The following COLEC10 variants were observed in gnomAD, a reference collection of about 807,000 sequenced individuals.
COLEC10 encodes the protein collectin subfamily member 10, also known as collectin-10.
Under a neutral mutation model 28.4 loss-of-function variants are expected in COLEC10, and 22 were observed. The ratio of observed to expected loss-of-function variants is 0.78; its 90% CI spans 0.55 to 1.11. The LOEUF is 1.11. Among genes scored for constraint, COLEC10 ranks in the 50% least tolerant of loss-of-function variants. The probability of loss-of-function intolerance (pLI) is 0.00; values close to 1 mark genes in which losing one functional copy is unlikely to be tolerated. For synonymous variants in COLEC10, 125 were observed against 116.1 expected (o/e 1.08, Z -0.49); for missense variants, 361 against 344.1 (o/e 1.05, Z -0.39).
At chr8:118,972,909 G>A in the COLEC10 span, among the ~76,000 whole-genome samples, 1 of 151,936 alleles carries the variant, frequency 6.6e-6, no homozygotes, top group Non-Finnish European at 1.5e-5. Flanking sequence ...AGAAGCTAAC[G>A]TATTTTTCTT....
At chr8:119,091,573 A>AAGAGAGAG (rs765113777) in intron 3 of COLEC10, among the ~76,000 whole-genome samples, 6 of 140,552 alleles carry the variant, frequency 4.3e-5, no homozygotes, top group African/African-American at 1.6e-4. Context: ...GAAAGAAAGA[A>AAGAGAGAG]AGAGAGAGAG....
intron 2 of COLEC10, among the ~76,000 whole-genome samples, chr8:119,059,566 G>A (rs1053076302): frequency 1.3e-5 from 2 of 152,056 alleles, no homozygotes; most frequent in African/African-American, 4.8e-5. Context: ...TCAGTACTTT[G>A]TTTGCATATC....
At chr8:119,004,019 A>C (rs1388872605) in intron 1 of COLEC10, among the ~76,000 whole-genome samples, 1 of 152,102 alleles carries the variant, frequency 6.6e-6, no homozygotes, top group Non-Finnish European at 1.5e-5. Context: ...CCTAGGACTT[A>C]CTGGGAAAAC....
chr8:119,017,378 A>G lies in COLEC10; in HGVS notation n.235+7825A>G, dbSNP rs185835253. Among the ~76,000 whole-genome samples the G allele has an allele frequency of 2.0e-3, 308 of 152,290 alleles. 4 individuals carry two copies. Among genetic ancestry groups the G allele is most frequent in the African/African-American group, 7.0e-3 (290 of 41,548 alleles). ...GCAATTTAAGCAGGTAATTGTTTTCAAGACTATAGTAATGACAACTCCTTG... is the reference window on the plus strand; with the variant it reads ...GCAATTTAAGCAGGTAATTGTTTTCGAGACTATAGTAATGACAACTCCTTG... On this transcript the variant is annotated intron_variant and non_coding_transcript_variant, in intron 2 of 6. Transcript: ENST00000521788.
chr8:119,021,454 T>C (rs1329956638), intron 2 of COLEC10, among the ~76,000 whole-genome samples: 1 of 152,158 alleles, frequency 6.6e-6, no homozygotes, highest in Non-Finnish European at 1.5e-5. Context: ...AGAGAATGCA[T>C]GTCCTCTACA....
chr8:119,031,317 C>T (rs1332237701), intron 2 of COLEC10, among the ~76,000 whole-genome samples: 1 of 152,128 alleles, frequency 6.6e-6, no homozygotes, highest in Non-Finnish European at 1.5e-5. Context: ...AACACATCAA[C>T]CCTCTGGCCA....
intron 2 of COLEC10, among the ~76,000 whole-genome samples, chr8:119,044,710 C>A (rs1355337267): frequency 6.6e-6 from 1 of 151,800 alleles, no homozygotes; most frequent in Admixed American, 6.6e-5. Flanking sequence ...TGAAAATTAG[C>A]CAGGCGTGGT....
chr8:118,966,510 C>G, the COLEC10 span, among the ~76,000 whole-genome samples: 2 of 152,074 alleles, frequency 1.3e-5, no homozygotes, highest in African/African-American at 4.8e-5. Context: ...ACAGTATGAA[C>G]TTGTCATAGC....
chr8:119,013,696 C>G (rs939671131), intron 2 of COLEC10, among the ~76,000 whole-genome samples: 1 of 150,696 alleles, frequency 6.6e-6, no homozygotes, highest in East Asian at 1.9e-4. Flanking sequence ...TCTTTAAAAA[C>G]TGATCAGTTC....
intron 1 of COLEC10, among the ~76,000 whole-genome samples, chr8:119,079,246 A>G (rs1277403660): frequency 6.6e-6 from 1 of 152,136 alleles, no homozygotes; most frequent in East Asian, 1.9e-4. Context: ...CTTCATGTGC[A>G]TGACCACATT....
intron 3 of COLEC10, 50 bp downstream of exon 3, chr8:119,091,270 C>T: frequency 1.4e-6 from 2 of 1,404,100 alleles, no homozygotes; most frequent in Non-Finnish European, 2.0e-6. Flanking sequence ...CAAATTGAGG[C>T]CGGGTACGAT....
intron 2 of COLEC10, among the ~76,000 whole-genome samples, chr8:119,053,139 A>G (rs368881535): frequency 2.0e-5 from 3 of 152,092 alleles, no homozygotes; most frequent in African/African-American, 7.2e-5. Flanking sequence ...TCAACACTTC[A>G]GTGGAAAAAT....
At chr8:119,051,357 A>G (rs1814669987) in intron 2 of COLEC10, among the ~76,000 whole-genome samples, 1 of 152,198 alleles carries the variant, frequency 6.6e-6, no homozygotes, top group Non-Finnish European at 1.5e-5. Flanking sequence ...ATTCCCAACA[A>G]TCTGGCTGAG....
chr8:119,019,457 G>A (rs751152878), intron 2 of COLEC10, among the ~76,000 whole-genome samples: 19 of 152,270 alleles, frequency 1.2e-4, no homozygotes, highest in African/African-American at 2.6e-4. Context: ...ATGGGAGTGG[G>A]TGGTTTCACC....
At chr8:119,052,270 G>A (rs1260130827) in intron 2 of COLEC10, among the ~76,000 whole-genome samples, 1 of 152,036 alleles carries the variant, frequency 6.6e-6, no homozygotes, top group Non-Finnish European at 1.5e-5. Flanking sequence ...TTTATAGGAG[G>A]TCAGGCAGTA....
intron 2 of COLEC10, among the ~76,000 whole-genome samples, chr8:119,047,595 T>C (rs558452232): frequency 6.6e-6 from 1 of 152,360 alleles, no homozygotes; most frequent in African/African-American, 2.4e-5. Context: ...TTCAGGCTCA[T>C]AATAGTAATC....
intron 1 of COLEC10, among the ~76,000 whole-genome samples, chr8:119,082,809 A>G (rs1587050686): frequency 6.6e-6 from 1 of 152,220 alleles, no homozygotes; most frequent in East Asian, 1.9e-4. Flanking sequence ...GTGTAAGTTT[A>G]TTCTGGTGGA....
At chr8:119,003,974 A>G (rs1813744261) in intron 1 of COLEC10, among the ~76,000 whole-genome samples, 1 of 152,064 alleles carries the variant, frequency 6.6e-6, no homozygotes, top group South Asian at 2.1e-4. Flanking sequence ...TATGCAGACA[A>G]CTTTTAAAGA....
the COLEC10 span, among the ~76,000 whole-genome samples, chr8:118,970,134 A>G: frequency 6.6e-6 from 1 of 152,086 alleles, no homozygotes; most frequent in Non-Finnish European, 1.5e-5. Context: ...TCATCTAAAA[A>G]TAAGATTGTT....
Sources: gnomAD v4.1 joint callset for allele counts (sites outside exome capture counted in the v4.1 genomes callset) on GRCh38, gnomAD v4.1.1 for gene constraint, MANE v1.5 for transcripts, NCBI Gene and HGNC (gene_info 2026-07-23, HGNC 2026-07-21) for gene names.